BPNT1: variants seen among roughly 807,000 people sequenced by gnomAD.
BPNT1 encodes 3'(2'), 5'-bisphosphate nucleotidase 1.
In BPNT1, 28 loss-of-function variants were observed where a neutral mutation model predicts 36.9. The observed-to-expected ratio is 0.76, with a 90% CI of 0.56 to 1.04. The LOEUF (loss-of-function observed/expected upper bound fraction) is 1.04. Ranked by LOEUF, BPNT1 falls within the 50% of genes least tolerant of loss-of-function variation. The pLI is 0.00. For missense variants in BPNT1, 313 were observed against 372.9 expected, an observed-to-expected ratio of 0.84 and a Z score of 1.32; for synonymous variants, 119 against 130.9, an observed-to-expected ratio of 0.91 and a Z score of 0.62.
intron 2 of BPNT1, among the ~76,000 whole-genome samples, chr1:220,077,702 TA>T (rs896329869): frequency 1.3e-5 from 2 of 152,184 alleles, no homozygotes; most frequent in African/African-American, 4.8e-5. Flanking sequence ...TTTTTACTCA[TA>T]TATCTCATTT....
At chr1:220,084,951 C>G (rs1655568918) in intron 1 of BPNT1, among the ~76,000 whole-genome samples, 1 of 151,914 alleles carries the variant, frequency 6.6e-6, no homozygotes, top group African/African-American at 2.4e-5. Flanking sequence ...ATATTTTTAC[C>G]ATTCTTCTTT....
chr1:220,075,799 C>T (rs570151462), intron 2 of BPNT1, among the ~76,000 whole-genome samples: 1 of 152,222 alleles, frequency 6.6e-6, no homozygotes, highest in East Asian at 1.9e-4. Context: ...ATATAAAGTA[C>T]TAGAAATGCC....
intron 1 of BPNT1, among the ~76,000 whole-genome samples, chr1:220,082,085 T>TATAGAGAGAGAGAG (rs1171093697): frequency 4.8e-5 from 5 of 103,280 alleles, no homozygotes; most frequent in African/African-American, 1.5e-4. Flanking sequence ...TATATATATA[T>TATAGAGAGAGAGAG]AGAGAGAGAG....
intron 1 of BPNT1, among the ~76,000 whole-genome samples, chr1:220,082,864 A>T (rs1655323177): frequency 6.6e-6 from 1 of 152,080 alleles, no homozygotes; most frequent in South Asian, 2.1e-4. Context: ...TGTTTCTATC[A>T]TCCACACTCT....
chr1:220,073,891 A>G (rs1664308240), intron 3 of BPNT1, 76 bp downstream of exon 3: 1 of 1,221,476 alleles, frequency 8.2e-7, no homozygotes, highest in Admixed American at 1.8e-5. Flanking sequence ...ATAGTGGTAT[A>G]TAAATCATTA....
At position 220,058,533 on chromosome 1, in the gene BPNT1, T is replaced by TG. The variant is rs1437161076; in HGVS notation, c.*310dup. The TG allele has an allele frequency of 2.3e-5, 23 of 996,500 alleles. No homozygotes were observed. Among genetic ancestry groups the TG allele is most frequent in the Non-Finnish European group, 2.8e-5 (23 of 830,914 alleles). 61.7% of individuals were successfully genotyped at this position (996,500 alleles called of 1,614,324 possible). ...AAACTTTAAGTACTTTTTGGGTTTT[T>TG]GTTTTTTTTTTTTCTGAGACAGGGC... On this transcript the variant is annotated 3_prime_UTR_variant, in exon 9 of 9. Coordinates refer to ENST00000322067, the MANE Select transcript of BPNT1 (RefSeq NM_006085.6).
chr1:220,062,663 A>G (rs1486027113), intron 7 of BPNT1, 94 bp downstream of exon 7: 1 of 1,367,876 alleles, frequency 7.3e-7, no homozygotes, highest in Non-Finnish European at 1.0e-6. Flanking sequence ...ATACCCAGTA[A>G]TGGGATGGCT....
At chr1:220,066,073 C>T (rs1354702758) in intron 6 of BPNT1, 7 of 1,520,932 alleles carry the variant, frequency 4.6e-6, no homozygotes, top group East Asian at 2.5e-5. Flanking sequence ...TTTTTCTCAC[C>T]TTTGCTTCAT....
intron 1 of BPNT1, among the ~76,000 whole-genome samples, chr1:220,087,153 A>G (rs1655815329): frequency 1.3e-5 from 2 of 152,152 alleles, no homozygotes; most frequent in African/African-American, 2.4e-5. Context: ...TAAAAGTAAA[A>G]AAAGAAACCA....
At chr1:220,086,301 C>G (rs1329884643) in intron 1 of BPNT1, among the ~76,000 whole-genome samples, 1 of 152,148 alleles carries the variant, frequency 6.6e-6, no homozygotes, top group Non-Finnish European at 1.5e-5. Context: ...TATGTAGTCT[C>G]GCTCTGTCGC....
intron 7 of BPNT1, 111 bp from the exon 8 acceptor site, chr1:220,059,902 T>A: frequency 1.4e-6 from 1 of 728,370 alleles, no homozygotes; most frequent in Non-Finnish European, 2.2e-6. Flanking sequence ...CAAGGACATT[T>A]AATCAGTTCC....
intron 7 of BPNT1, among the ~76,000 whole-genome samples, chr1:220,060,144 GAATT>G (rs1335962610): frequency 1.3e-5 from 2 of 152,020 alleles, no homozygotes; most frequent in African/African-American, 2.4e-5. Context: ...ATTTACAGCA[GAATT>G]AATTCAAGTT....
intron 2 of BPNT1, among the ~76,000 whole-genome samples, chr1:220,075,863 C>T (rs1275334154): frequency 1.3e-5 from 2 of 152,136 alleles, no homozygotes; most frequent in African/African-American, 4.8e-5. Context: ...CTTAGCATTA[C>T]ATCTCTGTTC....
intron 1 of BPNT1, among the ~76,000 whole-genome samples, chr1:220,081,953 C>T (rs1472808981): frequency 6.6e-6 from 1 of 151,472 alleles, no homozygotes; most frequent in African/African-American, 2.4e-5. Context: ...TCCACTTTAT[C>T]TCTGTCTTAG....
At chr1:220,066,049 CA>C in intron 6 of BPNT1, 1 of 1,511,464 alleles carries the variant, frequency 6.6e-7, no homozygotes, top group Non-Finnish European at 8.8e-7. Context: ...CTAGTGGAGC[CA>C]AAACCCTAGC....
intron 7 of BPNT1, among the ~76,000 whole-genome samples, chr1:220,062,104 A>G (rs1368562168): frequency 6.6e-6 from 1 of 151,574 alleles, no homozygotes; most frequent in African/African-American, 2.4e-5. Flanking sequence ...AAATGTACAA[A>G]TTATAGTCTT....
chr1:220,066,288 C>A (rs1251851801), intron 6 of BPNT1, among the ~76,000 whole-genome samples: 2 of 152,074 alleles, frequency 1.3e-5, no homozygotes, highest in African/African-American at 2.4e-5. Context: ...TACATAAAAA[C>A]CACAAACTTA....
chr1:220,059,447 TA>T (rs1662821268), intron 8 of BPNT1, among the ~76,000 whole-genome samples: 1 of 150,510 alleles, frequency 6.6e-6, no homozygotes, highest in Non-Finnish European at 1.5e-5. Flanking sequence ...AGGGCTAAAT[TA>T]AATTAACTGT....
intron 2 of BPNT1, among the ~76,000 whole-genome samples, chr1:220,078,648 A>G (rs1664823861): frequency 6.7e-6 from 1 of 150,184 alleles, no homozygotes; most frequent in Non-Finnish European, 1.5e-5. Flanking sequence ...CCCAGGCTGG[A>G]GTGCAATGGT....
Sources: allele counts gnomAD v4.1 joint callset (sites outside exome capture counted in the v4.1 genomes callset), GRCh38; gene constraint gnomAD v4.1.1; transcripts MANE v1.5; gene names NCBI Gene and HGNC (gene_info 2026-07-23, HGNC 2026-07-21).